SDK1: variants seen among roughly 807,000 people sequenced by gnomAD.
The protein encoded by SDK1 is sidekick cell adhesion molecule 1, also known as protein sidekick-1.
In SDK1, 157 loss-of-function variants were observed where a neutral mutation model predicts 245.5. The ratio of observed to expected loss-of-function variants is 0.64; its 90% CI spans 0.56 to 0.73. The LOEUF (loss-of-function observed/expected upper bound fraction) is 0.73. Among genes scored for constraint, SDK1 ranks in the 30% least tolerant of loss-of-function variants. The pLI, the probability that SDK1 is intolerant of heterozygous loss-of-function variation, is 0.00. For synonymous variants in SDK1, 1,647 were observed against 1,278.5 expected (o/e 1.29, Z -6.15); for missense variants, 3,583 against 3,002.3 (o/e 1.19, Z -4.52).
intron 4 of SDK1, among the ~76,000 whole-genome samples, chr7:3,656,660 C>G (rs1276843663): frequency 6.6e-6 from 1 of 152,090 alleles, no homozygotes; most frequent in Non-Finnish European, 1.5e-5. Context: ...GGACTCAACC[C>G]ATACATGCTC....
intron 4 of SDK1, among the ~76,000 whole-genome samples, chr7:3,717,181 C>G (rs543960084): frequency 6.6e-6 from 1 of 151,984 alleles, no homozygotes; most frequent in South Asian, 2.1e-4. Flanking sequence ...ACTAATTGAC[C>G]GAAATAGACC....
intron 5 of SDK1, among the ~76,000 whole-genome samples, chr7:3,891,249 C>T (rs1022708880): frequency 3.3e-5 from 5 of 151,970 alleles, no homozygotes; most frequent in African/African-American, 9.7e-5. Context: ...TAGGGGGTGT[C>T]GATTGGGCCT....
intron 26 of SDK1, 164 bp from the exon 27 acceptor site, chr7:4,129,744 T>C: frequency 7.0e-7 from 1 of 1,436,460 alleles, no homozygotes; most frequent in Non-Finnish European, 9.1e-7. Context: ...CCTCCCCAAA[T>C]GCCAGCATGG....
intron 1 of SDK1, among the ~76,000 whole-genome samples, chr7:3,416,976 C>G (rs1213369839): frequency 6.6e-6 from 1 of 152,062 alleles, no homozygotes; most frequent in Non-Finnish European, 1.5e-5. Context: ...AGTTCAAGAC[C>G]AGTCTGGCCA....
intron 7 of SDK1, among the ~76,000 whole-genome samples, chr7:3,952,615 TATTA>T (rs1322155511): frequency 1.3e-5 from 2 of 152,064 alleles, no homozygotes; most frequent in Admixed American, 6.5e-5. Context: ...GAAATTATTC[TATTA>T]ATTATTAATT....
At chr7:4,023,548 G>A (rs761113955) in intron 17 of SDK1, among the ~76,000 whole-genome samples, 10 of 152,064 alleles carry the variant, frequency 6.6e-5, no homozygotes, top group African/African-American at 1.7e-4. Flanking sequence ...TTAAATAACC[G>A]AAATGGACTC....
intron 14 of SDK1, among the ~76,000 whole-genome samples, chr7:4,007,673 C>T (rs779031400): frequency 2.0e-5 from 3 of 152,110 alleles, no homozygotes; most frequent in Non-Finnish European, 2.9e-5. Flanking sequence ...GGCGCGGTCT[C>T]GACTCCCTAC....
At chr7:3,883,527 A>T (rs1781257678) in intron 5 of SDK1, among the ~76,000 whole-genome samples, 1 of 152,150 alleles carries the variant, frequency 6.6e-6, no homozygotes, top group African/African-American at 2.4e-5. Context: ...GAGTTCCAGA[A>T]ATTCATCCAG....
At chr7:3,934,830 G>C (rs1474738772) in intron 5 of SDK1, among the ~76,000 whole-genome samples, 1 of 152,192 alleles carries the variant, frequency 6.6e-6, no homozygotes, top group African/African-American at 2.4e-5. Flanking sequence ...GTGAGTAGAG[G>C]AGTGTGCAAA....
At chr7:3,922,142 T>G (rs1779606123) in intron 5 of SDK1, among the ~76,000 whole-genome samples, 1 of 152,224 alleles carries the variant, frequency 6.6e-6, no homozygotes, top group Non-Finnish European at 1.5e-5. Context: ...CCCCTCAGCT[T>G]CAGTGGCTGA....
chr7:4,216,905 C>A (rs1784827958), intron 38 of SDK1, among the ~76,000 whole-genome samples: 1 of 152,210 alleles, frequency 6.6e-6, no homozygotes, highest in Admixed American at 6.5e-5. Flanking sequence ...CCATCCCCAG[C>A]CATCCCCGTC....
chr7:3,325,145 G>A (rs1779912169), intron 1 of SDK1, among the ~76,000 whole-genome samples: 1 of 152,026 alleles, frequency 6.6e-6, no homozygotes, highest in African/African-American at 2.4e-5. Context: ...CAGTCTCACA[G>A]GTGATGCTTA....
At chr7:3,679,442 C>CT in intron 4 of SDK1, among the ~76,000 whole-genome samples, 1 of 152,278 alleles carries the variant, frequency 6.6e-6, no homozygotes, top group East Asian at 1.9e-4. Flanking sequence ...TGGCGGGCGC[C>CT]TGTAGTCCCA....
chr7:3,681,260 T>C (rs1784091605), intron 4 of SDK1, among the ~76,000 whole-genome samples: 1 of 152,256 alleles, frequency 6.6e-6, no homozygotes, highest in South Asian at 2.1e-4. Context: ...TTCTAACTTC[T>C]TTGAACATAG....
intron 3 of SDK1, among the ~76,000 whole-genome samples, 163 bp downstream of exon 3, chr7:3,639,273 G>T (rs1462076974): frequency 6.6e-6 from 1 of 152,286 alleles, no homozygotes; most frequent in South Asian, 2.1e-4. Context: ...AGCAGCCAGC[G>T]TGGCTGGCCA....
At chr7:4,063,471 T>C (rs1050653721) in intron 19 of SDK1, among the ~76,000 whole-genome samples, 5 of 151,360 alleles carry the variant, frequency 3.3e-5, no homozygotes, top group African/African-American at 1.2e-4. Context: ...CACAAGTAAA[T>C]AGAAAGACAT....
At chr7:4,101,092 C>T (rs746572364) in intron 22 of SDK1, among the ~76,000 whole-genome samples, 5 of 152,134 alleles carry the variant, frequency 3.3e-5, no homozygotes, top group Non-Finnish European at 5.9e-5. Context: ...CGAAAACCAA[C>T]AGCTGGGCAG....
chr7:4,029,384 T>C (rs904432269), intron 17 of SDK1, among the ~76,000 whole-genome samples: 3 of 151,998 alleles, frequency 2.0e-5, no homozygotes, highest in Non-Finnish European at 2.9e-5. Context: ...CTAATTTTTG[T>C]ATTTTTAGTG....
At chr7:4,051,401 T>C (rs535727318) in intron 18 of SDK1, among the ~76,000 whole-genome samples, 3 of 151,148 alleles carry the variant, frequency 2.0e-5, no homozygotes, top group Non-Finnish European at 4.4e-5. Context: ...ATGAGTTAAG[T>C]AGTTATTTAC....
Sources: allele counts gnomAD v4.1 joint callset (sites outside exome capture counted in the v4.1 genomes callset), GRCh38; gene constraint gnomAD v4.1.1; transcripts MANE v1.5; gene names NCBI Gene and HGNC (gene_info 2026-07-23, HGNC 2026-07-21).